Variants in BICD1 observed in about 807,000 individuals in gnomAD.
The protein encoded by BICD1 is protein bicaudal D homolog 1.
BICD1 carries 35 observed loss-of-function variants against 92.5 expected under a neutral mutation model. The observed-to-expected ratio is 0.38, with a 90% CI of 0.29 to 0.50. BICD1 has a LOEUF of 0.50. Among genes scored for constraint, BICD1 ranks in the 20% least tolerant of loss-of-function variants. The pLI is 0.93. For synonymous variants in BICD1, 429 were observed against 465.1 expected, an observed-to-expected ratio of 0.92 and a Z score of 1.00; for missense variants, 950 against 1,189.8, an observed-to-expected ratio of 0.80 and a Z score of 2.97.
At chr12:32,168,764 G>T (rs1943847445) in intron 1 of BICD1, among the ~76,000 whole-genome samples, 1 of 152,162 alleles carries the variant, frequency 6.6e-6, no homozygotes, top group Non-Finnish European at 1.5e-5. Context: ...GACGTCAGGA[G>T]TTTGAGTCCA....
intron 1 of BICD1, among the ~76,000 whole-genome samples, chr12:32,150,066 C>T (rs954234710): frequency 6.6e-6 from 1 of 152,068 alleles, no homozygotes; most frequent in African/African-American, 2.4e-5. Context: ...AGGAGAACTC[C>T]CCTTTATAAA....
Position 32,152,649 on chromosome 12 carries a change from A to G in BICD1, c.213+45105A>G, listed in dbSNP as rs1457687158. On this transcript the variant is annotated intron_variant, in intron 1 of 9. Transcript: ENST00000652176. ...AACCAGGGAGACATTTATATATATA[A>G]ACTTGGCTGCTGAGGCCCAACCCTC... is the stretch of plus-strand genomic sequence containing the variant. Among the ~76,000 whole-genome samples, 4 of 152,194 alleles carry G rather than the reference A, an allele frequency of 2.6e-5. No individual in the cohort carries two copies. The East Asian group carries it at 7.7e-4, about 29-fold the overall frequency.
chr12:32,140,278 G>T (rs1476071844), intron 1 of BICD1, among the ~76,000 whole-genome samples: 1 of 152,184 alleles, frequency 6.6e-6, no homozygotes, highest in Non-Finnish European at 1.5e-5. Flanking sequence ...AAATCTGTTA[G>T]ATGAAAGCTT....
intron 8 of BICD1, chr12:32,339,710 G>A (rs1938287101): frequency 1.0e-6 from 1 of 985,278 alleles, no homozygotes; most frequent in Admixed American, 6.2e-5. Flanking sequence ...ATCCCTGCAT[G>A]TGAGTATAGG....
chr12:32,298,556 C>T (rs1441062296), intron 3 of BICD1, among the ~76,000 whole-genome samples: 1 of 95,384 alleles, frequency 1.0e-5, no homozygotes, highest in Non-Finnish European at 2.0e-5. Flanking sequence ...CACAGTGAGA[C>T]TCCGATCCAC....
At chr12:32,120,968 A>G (rs1312175962) in intron 1 of BICD1, among the ~76,000 whole-genome samples, 2 of 128,512 alleles carry the variant, frequency 1.6e-5, no homozygotes, top group African/African-American at 2.9e-5. Context: ...GCTCCATAGA[A>G]TTTTTTTTTT....
intron 1 of BICD1, among the ~76,000 whole-genome samples, chr12:32,189,743 G>A (rs1230317768): frequency 6.7e-6 from 1 of 150,302 alleles, no homozygotes; most frequent in African/African-American, 2.5e-5. Context: ...CTGTTGCCCA[G>A]GCTGGAGTGC....
At chr12:32,365,129 C>T (rs772462698) in intron 8 of BICD1, among the ~76,000 whole-genome samples, 3 of 152,040 alleles carry the variant, frequency 2.0e-5, no homozygotes, top group Non-Finnish European at 4.4e-5. Context: ...CCCAACTACT[C>T]GGGAGGCTGA....
intron 1 of BICD1, among the ~76,000 whole-genome samples, chr12:32,121,634 G>T (rs191764749): frequency 6.7e-6 from 1 of 150,088 alleles, no homozygotes; most frequent in African/African-American, 2.4e-5. Context: ...AAATAAAAGC[G>T]CTGAGGTGGA....
intron 8 of BICD1, among the ~76,000 whole-genome samples, chr12:32,346,586 G>GTATATA (rs1209956649): frequency 9.7e-5 from 1 of 10,354 alleles, no homozygotes; most frequent in South Asian, 5.9e-3. Flanking sequence ...ATATATACGT[G>GTATATA]TATATATATA....
intron 2 of BICD1, among the ~76,000 whole-genome samples, chr12:32,263,118 G>C (rs920348991): frequency 6.6e-6 from 1 of 152,050 alleles, no homozygotes; most frequent in East Asian, 1.9e-4. Context: ...CTGGGCAACA[G>C]AGTGAGAGCC....
At chr12:32,254,061 A>AT (rs11423308) in intron 2 of BICD1, among the ~76,000 whole-genome samples, 8 of 59,496 alleles carry the variant, frequency 1.3e-4, no homozygotes, top group Non-Finnish European at 2.2e-4. Flanking sequence ...TTCACTGCCG[A>AT]ATCCCACCTG....
chr12:32,318,057 T>C (rs1465621070), intron 4 of BICD1, among the ~76,000 whole-genome samples: 1,646 of 152,090 alleles, frequency 0.011, 32 homozygotes, highest in African/African-American at 0.038. Flanking sequence ...CTCTGTTCTG[T>C]TCCATTGGTC....
At chr12:32,285,768 T>C (rs533582381) in intron 2 of BICD1, among the ~76,000 whole-genome samples, 1 of 152,256 alleles carries the variant, frequency 6.6e-6, no homozygotes, top group East Asian at 1.9e-4. Flanking sequence ...CTTTCTCTCA[T>C]GCATTATTTT....
intron 4 of BICD1, among the ~76,000 whole-genome samples, chr12:32,316,114 C>G (rs1176718369): frequency 7.5e-6 from 1 of 133,468 alleles, no homozygotes; most frequent in Non-Finnish European, 1.6e-5. Context: ...CCAGCCTGGG[C>G]AACAGAGTGA....
intron 1 of BICD1, among the ~76,000 whole-genome samples, chr12:32,208,938 G>A (rs1945137538): frequency 6.6e-6 from 1 of 151,810 alleles, no homozygotes; most frequent in East Asian, 1.9e-4. Context: ...ATTCTCCTGC[G>A]ATTCTCCTGC....
At chr12:32,130,907 A>G (rs1942523040) in intron 1 of BICD1, among the ~76,000 whole-genome samples, 1 of 151,996 alleles carries the variant, frequency 6.6e-6, no homozygotes, top group Non-Finnish European at 1.5e-5. Context: ...GTGTGATCTC[A>G]GCTCACTGCA....
chr12:32,257,061 A>C (rs915572873), intron 2 of BICD1, among the ~76,000 whole-genome samples: 1 of 152,042 alleles, frequency 6.6e-6, no homozygotes, highest in Non-Finnish European at 1.5e-5. Flanking sequence ...AAAAATACAA[A>C]AATTAGCTGG....
intron 4 of BICD1, among the ~76,000 whole-genome samples, chr12:32,306,374 G>C (rs1316554149): frequency 6.6e-6 from 1 of 152,004 alleles, no homozygotes; most frequent in Non-Finnish European, 1.5e-5. Flanking sequence ...CTCCCGAGTA[G>C]CTGGGACTAC....
Sources: allele counts gnomAD v4.1 joint callset (sites outside exome capture counted in the v4.1 genomes callset), GRCh38; gene constraint gnomAD v4.1.1; transcripts MANE v1.5; gene names NCBI Gene and HGNC (gene_info 2026-07-23, HGNC 2026-07-21).